GRIN3A: variants seen among roughly 807,000 people sequenced by gnomAD.
The protein encoded by GRIN3A is glutamate ionotropic receptor NMDA type subunit 3A, also known as glutamate receptor ionotropic, NMDA 3A.
Under a neutral mutation model 92.4 loss-of-function variants are expected in GRIN3A, and 47 were observed. The ratio of observed to expected loss-of-function variants is 0.51; its 90% confidence interval spans 0.40 to 0.65. GRIN3A has a LOEUF of 0.65. GRIN3A is among the 30% of genes least tolerant of loss of function. The pLI is 0.00. For missense variants in GRIN3A, 1,324 were observed against 1,393.1 expected, an observed-to-expected ratio of 0.95 and a Z score of 0.79; for synonymous variants, 527 against 540.6, an observed-to-expected ratio of 0.97 and a Z score of 0.35.
intron 1 of GRIN3A, among the ~76,000 whole-genome samples, chr9:101,704,528 A>G (rs1262860359): frequency 6.6e-6 from 1 of 152,216 alleles, no homozygotes; most frequent in African/African-American, 2.4e-5. Context: ...AGTAGAAACT[A>G]TACTTCGAAT....
At chr9:101,643,506 CTA>C (rs1470049627) in intron 3 of GRIN3A, among the ~76,000 whole-genome samples, 2 of 151,816 alleles carry the variant, frequency 1.3e-5, no homozygotes, top group Admixed American at 6.6e-5. Context: ...CCTCAAAAAA[CTA>C]AAAATAGAAC....
At chr9:101,641,622 G>T (rs1228146593) in intron 3 of GRIN3A, among the ~76,000 whole-genome samples, 1 of 151,324 alleles carries the variant, frequency 6.6e-6, no homozygotes, top group Non-Finnish European at 1.5e-5. Flanking sequence ...ACACTCTGGG[G>T]ACTGTTGTGG....
At chr9:101,631,497 T>C (rs1012401749) in intron 3 of GRIN3A, among the ~76,000 whole-genome samples, 1 of 152,206 alleles carries the variant, frequency 6.6e-6, no homozygotes, top group Admixed American at 6.5e-5. Flanking sequence ...CCAGGATTTT[T>C]AGGGAAATCC....
At chr9:101,688,807 G>T (rs962519046) in intron 1 of GRIN3A, among the ~76,000 whole-genome samples, 19 of 152,096 alleles carry the variant, frequency 1.2e-4, no homozygotes, top group African/African-American at 4.3e-4. Flanking sequence ...GATGGAGGTT[G>T]CAGTGAGCCA....
At chr9:101,588,366 G>A (rs1034917398) in intron 6 of GRIN3A, among the ~76,000 whole-genome samples, 1 of 152,134 alleles carries the variant, frequency 6.6e-6, no homozygotes, top group Non-Finnish European at 1.5e-5. Flanking sequence ...CAAGGATTTT[G>A]ACAGCACTCT....
At position 101,686,717 on chromosome 9, in the gene GRIN3A, G is replaced by C; in HGVS notation, c.1183C>G (p.Leu395Val). 1 of 1,614,190 alleles carries C rather than the reference G, an allele frequency of 6.2e-7. No homozygotes were observed. Among genetic ancestry groups the C allele is most frequent in the Non-Finnish European group, 8.5e-7 (1 of 1,180,042 alleles). Residue 395 changes from leucine (L) to valine (V), a missense_variant, in exon 2 of 9, where the codon CTG becomes GTG. Transcript: ENST00000361820. ...GCTGTGGCTACAGCTCTTGCGACCA[G>C]CTCCATAGCATCTTGTACGTAGTGC... ...FEHYVQDAME[L>V]VARAVATATM... is the part of the protein sequence containing the mutation.
intron 6 of GRIN3A, among the ~76,000 whole-genome samples, chr9:101,585,841 G>T (rs530494738): frequency 6.6e-6 from 1 of 152,244 alleles, no homozygotes; most frequent in Non-Finnish European, 1.5e-5. Flanking sequence ...TGTGCTCAAT[G>T]CCTGGTCATG....
chr9:101,608,495 A>T (rs888876337), intron 6 of GRIN3A, among the ~76,000 whole-genome samples: 8 of 152,334 alleles, frequency 5.3e-5, no homozygotes, highest in Admixed American at 5.2e-4. Flanking sequence ...TTTTCAAAAC[A>T]TCTTTTTTTT....
intron 6 of GRIN3A, among the ~76,000 whole-genome samples, chr9:101,584,659 C>T (rs1827928862): frequency 1.3e-5 from 2 of 152,126 alleles, no homozygotes; most frequent in African/African-American, 4.8e-5. Flanking sequence ...GGGCTTCCAC[C>T]ATCTATAAAT....
At chr9:101,585,220 T>G (rs1827935445) in intron 6 of GRIN3A, among the ~76,000 whole-genome samples, 1 of 152,222 alleles carries the variant, frequency 6.6e-6, no homozygotes, top group African/African-American at 2.4e-5. Context: ...GATTACTCCA[T>G]CTTCTTTGGT....
At chr9:101,599,998 T>G (rs570764870) in intron 6 of GRIN3A, among the ~76,000 whole-genome samples, 1 of 152,346 alleles carries the variant, frequency 6.6e-6, no homozygotes, top group East Asian at 1.9e-4. Flanking sequence ...GGTTTTCTTT[T>G]GTAATACTGA....
At chr9:101,634,000 G>A (rs1198380670) in intron 3 of GRIN3A, among the ~76,000 whole-genome samples, 1 of 151,936 alleles carries the variant, frequency 6.6e-6, no homozygotes, top group East Asian at 1.9e-4. Flanking sequence ...TGCCTGTTAC[G>A]CTGTTACTTC....
chr9:101,705,783 T>A (rs1829810106), intron 1 of GRIN3A, among the ~76,000 whole-genome samples: 1 of 152,200 alleles, frequency 6.6e-6, no homozygotes, highest in Non-Finnish European at 1.5e-5. Flanking sequence ...TGGATGCATG[T>A]TTATGGTGTG....
At chr9:101,650,991 G>A (rs557013527) in intron 3 of GRIN3A, among the ~76,000 whole-genome samples, 1 of 151,912 alleles carries the variant, frequency 6.6e-6, no homozygotes, top group Non-Finnish European at 1.5e-5. Flanking sequence ...TATTTCGTGA[G>A]TCAGGATGTA....
intron 5 of GRIN3A, among the ~76,000 whole-genome samples, chr9:101,619,976 G>C (rs10114249): frequency 0.52 from 79,101 of 151,736 alleles, 20,886 homozygotes; most frequent in African/African-American, 0.62. Context: ...GCTATATACT[G>C]CGTACCGATG....
At chr9:101,686,362 G>T (rs796704000) in intron 2 of GRIN3A, among the ~76,000 whole-genome samples, 33 of 152,206 alleles carry the variant, frequency 2.2e-4, no homozygotes, top group African/African-American at 7.5e-4. Flanking sequence ...CTAAACCAAG[G>T]TTTAAAGGCA....
At chr9:101,597,520 G>A (rs1035755705) in intron 6 of GRIN3A, among the ~76,000 whole-genome samples, 1 of 152,160 alleles carries the variant, frequency 6.6e-6, no homozygotes, top group African/African-American at 2.4e-5. Flanking sequence ...TATAGTTACA[G>A]GCCTCCACTA....
chr9:101,711,063 C>G (rs574414357), intron 1 of GRIN3A, among the ~76,000 whole-genome samples: 1 of 152,126 alleles, frequency 6.6e-6, no homozygotes, highest in South Asian at 2.1e-4. Flanking sequence ...TCTTACTGTA[C>G]TGTACTCACC....
intron 6 of GRIN3A, among the ~76,000 whole-genome samples, chr9:101,602,694 G>A (rs1009943191): frequency 6.6e-6 from 1 of 152,162 alleles, no homozygotes; most frequent in African/African-American, 2.4e-5. Flanking sequence ...ATATAAAAGC[G>A]GGGACTCTTA....
Sources: allele counts gnomAD v4.1 joint callset (sites outside exome capture counted in the v4.1 genomes callset), GRCh38; gene constraint gnomAD v4.1.1; transcripts MANE v1.5; gene names NCBI Gene and HGNC (gene_info 2026-07-23, HGNC 2026-07-21).